GPR161: variants seen among roughly 807,000 people sequenced by gnomAD.
GPR161 encodes G-protein coupled receptor RE2.
Under a neutral mutation model 39.2 loss-of-function variants are expected in GPR161, and 25 were observed. The observed-to-expected ratio is 0.64, with a 90% CI of 0.47 to 0.89. The LOEUF (loss-of-function observed/expected upper bound fraction) is 0.89, where lower values mean the gene tolerates loss of function less well. Among genes scored for constraint, GPR161 ranks in the 40% least tolerant of loss-of-function variants. The pLI is 0.00. For missense variants in GPR161, 547 were observed against 677.8 expected (o/e 0.81, Z 2.14); for synonymous variants, 286 against 276.6 (o/e 1.03, Z -0.34).
Position 168,100,573 on chromosome 1 carries a change from G to T in GPR161, c.375-3341C>A, listed in dbSNP as rs76392988. On this transcript the variant is annotated intron_variant, in intron 2 of 5. Coordinates refer to ENST00000682931, the MANE Select transcript of GPR161 (RefSeq NM_001375883.1). ...AGTTGTAATGTGGGAAGGGGCTTCCGATGCTTCAGGCTCCTGCCACAAGAC... is the reference window on the plus strand; with the variant it reads ...AGTTGTAATGTGGGAAGGGGCTTCCTATGCTTCAGGCTCCTGCCACAAGAC... 5.1e-4 allele frequency among the ~76,000 whole-genome samples: 77 copies of T among 152,264 alleles called. No individual in the cohort carries two copies. In the East Asian group the frequency reaches 0.014, roughly 28 times the overall value.
At chr1:168,114,112 C>A (rs1175650828) in intron 1 of GPR161, among the ~76,000 whole-genome samples, 2 of 152,194 alleles carry the variant, frequency 1.3e-5, no homozygotes, top group Non-Finnish European at 2.9e-5. Flanking sequence ...GACAGAATTA[C>A]TACATCATAA....
intron 1 of GPR161, chr1:168,135,185 C>A: frequency 9.7e-7 from 1 of 1,031,730 alleles, no homozygotes; most frequent in Non-Finnish European, 1.3e-6. Context: ...AAAGAACTCA[C>A]CTGTGTGCCA....
At chr1:168,129,759 T>C (rs1031229171) in intron 1 of GPR161, among the ~76,000 whole-genome samples, 2 of 152,212 alleles carry the variant, frequency 1.3e-5, no homozygotes, top group African/African-American at 4.8e-5. Flanking sequence ...ATAGACCTAA[T>C]TACTGACAAA....
At chr1:168,094,853 CACAAA>C (rs1256120325) in intron 3 of GPR161, among the ~76,000 whole-genome samples, 2 of 152,176 alleles carry the variant, frequency 1.3e-5, no homozygotes, top group Non-Finnish European at 2.9e-5. Context: ...AGGCAAGATC[CACAAA>C]TGTGTCCTGA....
chr1:168,101,167 T>C (rs1233431373), intron 2 of GPR161, among the ~76,000 whole-genome samples: 1 of 152,014 alleles, frequency 6.6e-6, no homozygotes, highest in Admixed American at 6.6e-5. Context: ...TTAGGGTACA[T>C]GTGGACAATG....
chr1:168,103,068 C>T (rs1235262898), intron 2 of GPR161, among the ~76,000 whole-genome samples: 1 of 152,124 alleles, frequency 6.6e-6, no homozygotes, highest in East Asian at 1.9e-4. Flanking sequence ...TACACAAACA[C>T]ACATGCTCCT....
At chr1:168,128,732 TCAAGC>T (rs1470541800) in intron 1 of GPR161, among the ~76,000 whole-genome samples, 2 of 152,222 alleles carry the variant, frequency 1.3e-5, no homozygotes, top group Non-Finnish European at 2.9e-5. Context: ...ATTATCCTCA[TCAAGC>T]CAGGCAAACT....
chr1:168,136,656 C>T (rs1177295436), intron 1 of GPR161, 83 bp downstream of exon 1: 1 of 1,199,230 alleles, frequency 8.3e-7, no homozygotes, highest in Non-Finnish European at 1.0e-6. Context: ...AGCCCTCAGC[C>T]TCGCACAATG....
chr1:168,095,625 A>C (rs1695446165), intron 3 of GPR161, among the ~76,000 whole-genome samples: 1 of 152,150 alleles, frequency 6.6e-6, no homozygotes, highest in African/African-American at 2.4e-5. Flanking sequence ...CTTCGATGGA[A>C]GGCTGAGGTT....
chr1:168,116,888 C>T (rs1047343174), intron 1 of GPR161, among the ~76,000 whole-genome samples: 2 of 152,178 alleles, frequency 1.3e-5, no homozygotes, highest in African/African-American at 4.8e-5. Flanking sequence ...CTCTGATCTG[C>T]TTGGGAGAAT....
In GPR161 at chr1:168,081,533, C is replaced by T. The variant is rs1469404350; in HGVS notation, c.*3998G>A. On this transcript the variant is annotated 3_prime_UTR_variant, in exon 6 of 6. Transcript: ENST00000682931. ...CAAGTATTTCCTCATAGAATCCAGA[C>T]AGTCACCCTGTGACGGAGGACTCCC... The T allele has an allele frequency of 6.6e-6, 1 of 152,240 alleles. No homozygotes were observed. The highest frequency in any genetic ancestry group is 2.4e-5 in the African/African-American group (1 of 41,460). The allele number at this position is 152,240 out of a possible 1,614,324, so 9.4% of individuals were successfully genotyped here.
At chr1:168,086,557 C>G (rs1269934422) in intron 5 of GPR161, among the ~76,000 whole-genome samples, 1 of 152,178 alleles carries the variant, frequency 6.6e-6, no homozygotes, top group African/African-American at 2.4e-5. Flanking sequence ...TCACTCATGG[C>G]AGGGGAGGAC....
rs189511250 is a variant in GPR161, at chr1:168,085,129, G to A, written c.*402C>T. On this transcript the variant is annotated 3_prime_UTR_variant, in exon 6 of 6. Transcript: ENST00000682931. ...TTCTCCTCCTGAGGCATCTGGCACA[G>A]TGCACGGCTGGACTCCCAGCACACT... 4.5e-4 allele frequency: 207 copies of A among 460,122 alleles called. No homozygotes were observed. Among genetic ancestry groups the A allele is most frequent in the Non-Finnish European group, 8.1e-4 (186 of 230,332 alleles). 28.5% of individuals were successfully genotyped at this position (460,122 alleles called of 1,614,324 possible).
In GPR161 at chr1:168,087,478, G is replaced by A. The variant is rs549386172; in HGVS notation, c.1324+107C>T. 188 of 1,302,046 alleles carry A rather than the reference G, an allele frequency of 1.4e-4. 3 individuals carry two copies. The South Asian group carries it at 2.2e-3, about 15-fold the overall frequency. 80.7% of individuals were successfully genotyped at this position (1,302,046 alleles called of 1,614,324 possible). A position where few individuals can be genotyped will look rare whatever the true frequency, so the allele number is the denominator to read the frequency against. On this transcript the variant is annotated intron_variant, in intron 5 of 5. Transcript: ENST00000682931. ...TAACCAGGGAGTGAGCAAAGGGATG[G>A]AGCCCTGATATATTCCGGGATGGGA...
chr1:168,091,384 T>G (rs1257556053), intron 3 of GPR161, among the ~76,000 whole-genome samples: 1 of 152,170 alleles, frequency 6.6e-6, no homozygotes, highest in Non-Finnish European at 1.5e-5. Flanking sequence ...TATTAAGTAG[T>G]GGGACCCTGG....
At chr1:168,120,889 C>A (rs901067974) in intron 1 of GPR161, among the ~76,000 whole-genome samples, 14 of 152,172 alleles carry the variant, frequency 9.2e-5, no homozygotes, top group African/African-American at 3.4e-4. Context: ...TTCAATTAAA[C>A]CTCTTTCCTT....
intron 1 of GPR161, among the ~76,000 whole-genome samples, chr1:168,105,829 C>G (rs908111529): frequency 1.3e-5 from 2 of 152,252 alleles, no homozygotes; most frequent in Admixed American, 6.5e-5. Context: ...AAAAACCCCA[C>G]AGATCACTTT....
At chr1:168,122,225 C>A (rs536822253) in intron 1 of GPR161, among the ~76,000 whole-genome samples, 1 of 151,950 alleles carries the variant, frequency 6.6e-6, no homozygotes, top group Non-Finnish European at 1.5e-5. Flanking sequence ...CCCTAGACTA[C>A]GGAGTCACTC....
chr1:168,104,149 G>A (rs1696369490), intron 2 of GPR161, among the ~76,000 whole-genome samples: 1 of 152,238 alleles, frequency 6.6e-6, no homozygotes, highest in African/African-American at 2.4e-5. Flanking sequence ...AGCAGAGTCA[G>A]AGGCCCTGGA....
Sources: allele counts gnomAD v4.1 joint callset (sites outside exome capture counted in the v4.1 genomes callset), GRCh38; gene constraint gnomAD v4.1.1; transcripts MANE v1.5; gene names NCBI Gene and HGNC (gene_info 2026-07-23, HGNC 2026-07-21).